The following CRKL variants were observed in gnomAD, a reference collection of about 807,000 sequenced individuals.
The protein encoded by CRKL is crk-like protein.
A neutral mutation model predicts 23.0 loss-of-function variants in CRKL; 3 were observed. The ratio of observed to expected loss-of-function variants is 0.13; its 90% confidence interval spans 0.06 to 0.34. The LOEUF is 0.34. Ranked by LOEUF, CRKL falls within the 10% of genes least tolerant of loss-of-function variation. The pLI, the probability that CRKL is intolerant of heterozygous loss-of-function variation, is 1.00. For synonymous variants in CRKL, 188 were observed against 160.7 expected (o/e 1.17, Z -1.28); for missense variants, 256 against 394.5 (o/e 0.65, Z 2.97).
intron 1 of CRKL, among the ~76,000 whole-genome samples, chr22:20,924,405 T>C (rs1377140646): frequency 6.6e-6 from 1 of 152,222 alleles, no homozygotes; most frequent in Non-Finnish European, 1.5e-5. Flanking sequence ...TCCCCTGTTC[T>C]AATTATTTAA....
chr22:20,924,850 AAAC>A lies in CRKL; in HGVS notation c.311+6608_311+6610del, dbSNP rs1921137340. ...GTGAGACTCTCTCCAAAAAAACAAA[AAAC>A]AAGAACACTGTCATGCTGAGAATGG... On this transcript the variant is annotated intron_variant, in intron 1 of 2. Coordinates refer to ENST00000354336, the MANE Select transcript of CRKL (RefSeq NM_005207.4). Among the ~76,000 whole-genome samples, 4 of 151,544 alleles carry A rather than the reference AAAC, an allele frequency of 2.6e-5. No homozygotes were observed. In the South Asian group the frequency reaches 8.3e-4, roughly 32 times the overall value.
At chr22:20,929,258 G>A (rs983929699) in intron 1 of CRKL, among the ~76,000 whole-genome samples, 7 of 151,848 alleles carry the variant, frequency 4.6e-5, no homozygotes, top group East Asian at 3.9e-4. Flanking sequence ...TCTGCCTCCC[G>A]GGTTCACACC....
At chr22:20,922,934 A>G (rs145588386) in intron 1 of CRKL, among the ~76,000 whole-genome samples, 2,848 of 152,192 alleles carry the variant, frequency 0.019, 42 homozygotes, top group Non-Finnish European at 0.029. Flanking sequence ...GGGCCTCCCA[A>G]AGTGCTGGGA....
chr22:20,928,923 A>C (rs1921334817), intron 1 of CRKL, among the ~76,000 whole-genome samples: 1 of 151,894 alleles, frequency 6.6e-6, no homozygotes, highest in South Asian at 2.1e-4. Flanking sequence ...TTTTAAGCTT[A>C]GAACATATTA....
rs1341383171 is a variant in CRKL, at chr22:20,950,838, C to T, written c.*993C>T. ...AACTAAAGGAATCTGAAAAGAACAA[C>T]CCTGAAGCAGAGGCCTTTATTGTCT... On this transcript the variant is annotated 3_prime_UTR_variant, in exon 3 of 3. Coordinates refer to ENST00000354336, the MANE Select transcript of CRKL (RefSeq NM_005207.4). 4.3e-6 allele frequency: 1 copy of T among 230,938 alleles called. No individual in the cohort carries two copies. Among genetic ancestry groups the T allele is most frequent in the Non-Finnish European group, 8.6e-6 (1 of 116,752 alleles). The allele number at this position is 230,938 out of a possible 1,614,324, so 14.3% of individuals were successfully genotyped here. A position where few individuals can be genotyped will look rare whatever the true frequency, so the allele number is the denominator to read the frequency against.
At chr22:20,927,283 C>T (rs1428788850) in intron 1 of CRKL, among the ~76,000 whole-genome samples, 3 of 142,346 alleles carry the variant, frequency 2.1e-5, no homozygotes, top group Non-Finnish European at 4.5e-5. Flanking sequence ...CTCCACCTCC[C>T]GGGTTCAAGT....
rs1452036060 is a variant in CRKL at position 20,950,601 on chromosome 22, C to T, written c.*756C>T. 1.4e-5 allele frequency: 3 copies of T among 215,286 alleles called. No homozygotes were observed. Among genetic ancestry groups the T allele is most frequent in the Non-Finnish European group, 2.8e-5 (3 of 107,094 alleles). The allele number at this position is 215,286 out of a possible 1,614,324, so 13.3% of individuals were successfully genotyped here. A position where few individuals can be genotyped will look rare whatever the true frequency, so the allele number is the denominator to read the frequency against. On this transcript the variant is annotated 3_prime_UTR_variant, in exon 3 of 3. Coordinates refer to ENST00000354336, the MANE Select transcript of CRKL (RefSeq NM_005207.4). ...CTAATTTTTGTATTTTTAGTAGAGACGGGGTTTCATCATGTTGACCAGGCT... is the reference window on the plus strand; with the variant it reads ...CTAATTTTTGTATTTTTAGTAGAGATGGGGTTTCATCATGTTGACCAGGCT...
intron 2 of CRKL, among the ~76,000 whole-genome samples, chr22:20,946,581 C>G (rs1922061809): frequency 6.6e-6 from 1 of 152,070 alleles, no homozygotes; most frequent in South Asian, 2.1e-4. Context: ...GCCACATCTC[C>G]CAGGTGTAGT....
intron 1 of CRKL, among the ~76,000 whole-genome samples, chr22:20,919,222 AAAGAT>A (rs1228634800): frequency 7.2e-5 from 11 of 152,130 alleles, no homozygotes; most frequent in African/African-American, 2.4e-4. Context: ...CGTTAATTAC[AAAGAT>A]AAGAGAAGGT....
chr22:20,918,039 G>A lies in CRKL; in HGVS notation c.105G>A (p.Met35Ile), dbSNP rs770661007. ...GGCTCCAGGGCCAGCGCCACGGTAT[G>A]TTCCTCGTCCGCGATTCTTCCACCT... ...QTRLQGQRHGMFLVRDSSTCP... is the reference protein window; with the variant it reads ...QTRLQGQRHGIFLVRDSSTCP... The change falls in exon 1 of 3, where the codon ATG (methionine) becomes ATA (isoleucine). Residue 35 changes from methionine to isoleucine, a missense_variant. Met to Ile is a conservative substitution (Grantham distance 10, BLOSUM62 1). Coordinates refer to ENST00000354336, the MANE Select transcript of CRKL (RefSeq NM_005207.4). 1 of 1,614,258 alleles carries A rather than the reference G, an allele frequency of 6.2e-7. No individual in the cohort carries two copies. The highest frequency in any genetic ancestry group is 8.5e-7 in the Non-Finnish European group (1 of 1,180,052).
At chr22:20,927,842 C>CAA (rs796204860) in intron 1 of CRKL, among the ~76,000 whole-genome samples, 675 of 55,736 alleles carry the variant, frequency 0.012, 15 homozygotes, top group African/African-American at 0.026. Context: ...GACTCTGTCT[C>CAA]AAAAAAAAAA....
At chr22:20,936,777 G>A (rs1461284132) in intron 2 of CRKL, among the ~76,000 whole-genome samples, 3 of 152,112 alleles carry the variant, frequency 2.0e-5, no homozygotes, top group Non-Finnish European at 4.4e-5. Context: ...AGGCTGTGGT[G>A]GGGGTCAGGG....
Position 20,938,632 on chromosome 22 carries a change from C to T in CRKL, c.777+4388C>T, listed in dbSNP as rs115844718. Reference sequence around the variant, plus strand: ...ACAAGGTCAGGTTTACAGGCAATTTCTTTTTATATATTAATTTTTAAATTT... The same window carrying T: ...ACAAGGTCAGGTTTACAGGCAATTTTTTTTTATATATTAATTTTTAAATTT... On this transcript the variant is annotated intron_variant, in intron 2 of 2. Coordinates refer to ENST00000354336, the MANE Select transcript of CRKL (RefSeq NM_005207.4). Among the ~76,000 whole-genome samples the T allele has an allele frequency of 4.6e-3, 696 of 152,258 alleles. 5 individuals carry two copies. The highest frequency in any genetic ancestry group is 0.016 in the African/African-American group (665 of 41,548).
At chr22:20,922,419 G>A (rs1242799184) in intron 1 of CRKL, among the ~76,000 whole-genome samples, 1 of 152,092 alleles carries the variant, frequency 6.6e-6, no homozygotes, top group African/African-American at 2.4e-5. Context: ...AGTGCTGTGG[G>A]CTCCAAGGAA....
Position 20,950,660 on chromosome 22 carries a change from G to T in CRKL, c.*815G>T. 4.6e-6 allele frequency: 1 copy of T among 216,480 alleles called. No individual in the cohort carries two copies. The highest frequency in any genetic ancestry group is 9.3e-6 in the Non-Finnish European group (1 of 107,776). The allele number at this position is 216,480 out of a possible 1,614,324, so 13.4% of individuals were successfully genotyped here. A position where few individuals can be genotyped will look rare whatever the true frequency, so the allele number is the denominator to read the frequency against. On this transcript the variant is annotated 3_prime_UTR_variant, in exon 3 of 3. Coordinates refer to ENST00000354336, the MANE Select transcript of CRKL (RefSeq NM_005207.4). ...ACTCCTGACTTCAGGTGATCCACCCGCCTTCAGCCTCCCAACGTGCTGGGA... is the reference window on the plus strand; with the variant it reads ...ACTCCTGACTTCAGGTGATCCACCCTCCTTCAGCCTCCCAACGTGCTGGGA...
At chr22:20,940,283 T>C (rs1921823555) in intron 2 of CRKL, among the ~76,000 whole-genome samples, 1 of 152,188 alleles carries the variant, frequency 6.6e-6, no homozygotes, top group South Asian at 2.1e-4. Flanking sequence ...GGTGGGCTCA[T>C]GCTGCTTCCA....
chr22:20,941,746 ACCAG>A (rs1921893550), intron 2 of CRKL, among the ~76,000 whole-genome samples: 1 of 150,976 alleles, frequency 6.6e-6, no homozygotes, highest in Non-Finnish European at 1.5e-5. Flanking sequence ...GGTGCCCGCC[ACCAG>A]GCCGGGCTAG....
intron 1 of CRKL, among the ~76,000 whole-genome samples, chr22:20,918,949 ACCCCAC>A (rs1206123678): frequency 1.6e-4 from 18 of 111,594 alleles, no homozygotes; most frequent in Non-Finnish European, 2.1e-4. Flanking sequence ...AGCACTCACC[ACCCCAC>A]CCCCACCCCC....
At chr22:20,939,089 A>G (rs764082579) in intron 2 of CRKL, among the ~76,000 whole-genome samples, 1 of 152,200 alleles carries the variant, frequency 6.6e-6, no homozygotes, top group African/African-American at 2.4e-5. Context: ...ATGGCCCTCC[A>G]GTCTCAACTT....
Sources: gnomAD v4.1 joint callset for allele counts (sites outside exome capture counted in the v4.1 genomes callset) on GRCh38, gnomAD v4.1.1 for gene constraint, MANE v1.5 for transcripts, NCBI Gene and HGNC (gene_info 2026-07-23, HGNC 2026-07-21) for gene names.